PLD1: variants seen among roughly 807,000 people sequenced by gnomAD.
The protein encoded by PLD1 is phospholipase D1.
PLD1 carries 112 observed loss-of-function variants against 137.1 expected under a neutral mutation model. The ratio of observed to expected loss-of-function variants is 0.82; its 90% confidence interval spans 0.70 to 0.96. The LOEUF is 0.96. Among genes scored for constraint, PLD1 ranks in the 40% least tolerant of loss-of-function variants. The pLI is 0.00. For synonymous variants in PLD1, 431 were observed against 454.7 expected, an observed-to-expected ratio of 0.95 and a Z score of 0.66; for missense variants, 1,321 against 1,342.0, an observed-to-expected ratio of 0.98 and a Z score of 0.24.
At chr3:171,640,341 C>T (rs1735631910) in intron 23 of PLD1, among the ~76,000 whole-genome samples, 1 of 152,194 alleles carries the variant, frequency 6.6e-6, no homozygotes, top group Admixed American at 6.5e-5. Context: ...ATAGCTGCCT[C>T]TCATAAGTTT....
At chr3:171,732,020 C>G in intron 6 of PLD1, among the ~76,000 whole-genome samples, 1 of 151,924 alleles carries the variant, frequency 6.6e-6, no homozygotes, top group Non-Finnish European at 1.5e-5. Context: ...ATGAACTCAC[C>G]AAGAATGGTT....
chr3:171,796,303 T>C (rs1464243319), intron 1 of PLD1, among the ~76,000 whole-genome samples: 3 of 152,234 alleles, frequency 2.0e-5, no homozygotes, highest in Non-Finnish European at 4.4e-5. Context: ...TTAAATTACC[T>C]GCTGTACTTG....
intron 1 of PLD1, among the ~76,000 whole-genome samples, chr3:171,785,799 A>G (rs1722991270): frequency 6.6e-6 from 1 of 152,162 alleles, no homozygotes. Context: ...TCAATTCTCA[A>G]ATAACCACGT....
chr3:171,677,860 C>T (rs749298364), intron 16 of PLD1, 166 bp from the exon 17 acceptor site: 1 of 568,246 alleles, frequency 1.8e-6, no homozygotes. Context: ...CAAGGTTTTA[C>T]AGTCCTTACA....
chr3:171,762,954 A>T (rs896756800), intron 1 of PLD1, among the ~76,000 whole-genome samples: 8 of 152,210 alleles, frequency 5.3e-5, no homozygotes, highest in African/African-American at 1.9e-4. Flanking sequence ...TTACTTCCTG[A>T]TTACATAGTT....
chr3:171,704,630 T>C (rs1038096685), intron 11 of PLD1, among the ~76,000 whole-genome samples: 4 of 152,098 alleles, frequency 2.6e-5, no homozygotes, highest in South Asian at 2.1e-4. Flanking sequence ...AAAAGTCTTA[T>C]AGAAAAAGAT....
At chr3:171,703,056 A>G (rs1682018759) in intron 11 of PLD1, among the ~76,000 whole-genome samples, 1 of 152,200 alleles carries the variant, frequency 6.6e-6, no homozygotes. Flanking sequence ...AAAGTTGGAA[A>G]TCAATCAGTG....
At position 171,644,929 on chromosome 3, in the gene PLD1, T is replaced by C. The variant is rs201707612; in HGVS notation, c.2524A>G (p.Ile842Val). 1 of 1,612,088 alleles carries C rather than the reference T, an allele frequency of 6.2e-7. No homozygotes were observed. Among genetic ancestry groups the C allele is most frequent in the African/African-American group, 1.3e-5 (1 of 74,988 alleles). ...TGGCACCTGTAGTTGAAGTGCATGA[T>C]TGCCTGTAGAGCATTTCCTCCGCCG... ...STGGGNALQAIMHFNYRTMCR... is the reference protein window; with the variant it reads ...STGGGNALQAVMHFNYRTMCR... Residue 842 changes from isoleucine to valine, a missense_variant, in exon 22 of 27, where the codon ATC becomes GTC. Physicochemically the swap from Ile to Val is conservative, Grantham distance 29 (BLOSUM62 3). Transcript: ENST00000351298.
chr3:171,713,808 A>C, intron 9 of PLD1, 85 bp downstream of exon 9: 1 of 1,195,386 alleles, frequency 8.4e-7, no homozygotes, highest in Non-Finnish European at 1.2e-6. Flanking sequence ...AACACTTTTT[A>C]AACTCCTTTT....
intron 23 of PLD1, among the ~76,000 whole-genome samples, chr3:171,638,645 T>G (rs987862358): frequency 2.0e-5 from 3 of 152,206 alleles, no homozygotes; most frequent in Non-Finnish European, 4.4e-5. Flanking sequence ...ATTAATCTCT[T>G]TACTTGTTAT....
At chr3:171,748,962 G>A (rs1396233893) in intron 1 of PLD1, among the ~76,000 whole-genome samples, 1 of 151,606 alleles carries the variant, frequency 6.6e-6, no homozygotes, top group African/African-American at 2.4e-5. Flanking sequence ...ACAGGAACTA[G>A]CAGCAACAGT....
At chr3:171,764,859 GAAAGAAA>G (rs1721724017) in intron 1 of PLD1, among the ~76,000 whole-genome samples, 1 of 22,470 alleles carries the variant, frequency 4.5e-5, no homozygotes, top group African/African-American at 1.9e-4. Flanking sequence ...AAGAAAGAAA[GAAAGAAA>G]GAAAGAAAGA....
chr3:171,679,901 G>A (rs1364071898), intron 16 of PLD1, among the ~76,000 whole-genome samples: 1 of 152,174 alleles, frequency 6.6e-6, no homozygotes, highest in African/African-American at 2.4e-5. Flanking sequence ...CAACAATGCT[G>A]ATCCAAGGGG....
intron 23 of PLD1, among the ~76,000 whole-genome samples, chr3:171,621,723 G>A (rs750807965): frequency 3.9e-5 from 6 of 152,054 alleles, no homozygotes; most frequent in Non-Finnish European, 8.8e-5. Context: ...TTTCTAAAAC[G>A]TTTCATGTAA....
intron 1 of PLD1, among the ~76,000 whole-genome samples, chr3:171,799,099 G>C (rs200643263): frequency 6.6e-6 from 1 of 152,270 alleles, no homozygotes; most frequent in East Asian, 1.9e-4. Flanking sequence ...CCAGCACTTC[G>C]GGAGGCCGAG....
At chr3:171,728,974 T>C (rs1718735377) in intron 6 of PLD1, among the ~76,000 whole-genome samples, 1 of 152,186 alleles carries the variant, frequency 6.6e-6, no homozygotes, top group Non-Finnish European at 1.5e-5. Flanking sequence ...TACAGAGTTA[T>C]CAAATTGAAA....
Position 171,687,418 on chromosome 3 carries a change from T to C in PLD1, c.1706A>G (p.His569Arg), listed in dbSNP as rs780072267. ...GATGCTATCTGCGTCGTGCAGGTGG[T>C]GCCTGTGGAGCTGCTTGTAGAGACT... is the stretch of plus-strand genomic sequence containing the variant. Reference protein sequence around the residue: ...KFSLYKQLHRHHLHDADSISS... With the variant: ...KFSLYKQLHRRHLHDADSISS... Residue 569 changes from histidine (H) to arginine (R), a missense_variant, in exon 15 of 27, where the codon CAC becomes CGC. Physicochemically the swap from His to Arg is conservative, Grantham distance 29. Transcript: ENST00000351298. 1.2e-6 allele frequency: 2 copies of C among 1,614,138 alleles called. No individual in the cohort carries two copies. Among genetic ancestry groups the C allele is most frequent in the East Asian group, 4.5e-5 (2 of 44,876 alleles).
chr3:171,625,539 G>A (rs1734023041), intron 23 of PLD1, among the ~76,000 whole-genome samples: 1 of 152,220 alleles, frequency 6.6e-6, no homozygotes. Context: ...CTGAGAACGG[G>A]CAGACTGCCT....
At chr3:171,733,650 C>T in intron 5 of PLD1, 141 bp from the exon 6 acceptor site, 1 of 546,778 alleles carries the variant, frequency 1.8e-6, no homozygotes, top group Non-Finnish European at 3.2e-6. Context: ...AATCATGGAG[C>T]AAGGAATCCT....
Sources: allele counts gnomAD v4.1 joint callset (sites outside exome capture counted in the v4.1 genomes callset), GRCh38; gene constraint gnomAD v4.1.1; transcripts MANE v1.5; gene names NCBI Gene and HGNC (gene_info 2026-07-23, HGNC 2026-07-21).